RSPO2: variants seen among roughly 807,000 people sequenced by gnomAD.
The protein encoded by RSPO2 is R-spondin-2.
Under a neutral mutation model 30.9 loss-of-function variants are expected in RSPO2, and 14 were observed. The observed-to-expected ratio is 0.45, with a 90% CI of 0.30 to 0.71. The LOEUF is 0.71. Among genes scored for constraint, RSPO2 ranks in the 30% least tolerant of loss-of-function variants. The pLI, the probability that RSPO2 is intolerant of heterozygous loss-of-function variation, is 0.08. For synonymous variants in RSPO2, 107 were observed against 96.4 expected (o/e 1.11, Z -0.64); for missense variants, 264 against 301.9 (o/e 0.87, Z 0.93).
At chr8:107,907,641 AAAAT>A (rs1041039871) in intron 5 of RSPO2, among the ~76,000 whole-genome samples, 9 of 152,260 alleles carry the variant, frequency 5.9e-5, no homozygotes, top group African/African-American at 1.4e-4. Flanking sequence ...ACAACTGTCC[AAAAT>A]AAATAACGGA....
intron 2 of RSPO2, among the ~76,000 whole-genome samples, chr8:108,051,110 T>C (rs1812066044): frequency 6.6e-6 from 1 of 152,202 alleles, no homozygotes; most frequent in Non-Finnish European, 1.5e-5. Flanking sequence ...AGCCCCACTG[T>C]ACCCTTTAAC....
intron 5 of RSPO2, among the ~76,000 whole-genome samples, chr8:107,934,605 CA>C (rs1812657574): frequency 6.6e-6 from 1 of 152,124 alleles, no homozygotes; most frequent in African/African-American, 2.4e-5. Context: ...CTCCTGACCT[CA>C]GGTGATCTGC....
chr8:107,981,098 T>C (rs551970885), intron 3 of RSPO2, among the ~76,000 whole-genome samples: 5 of 152,216 alleles, frequency 3.3e-5, no homozygotes, highest in Non-Finnish European at 7.3e-5. Flanking sequence ...TATATAGAAT[T>C]TATGGTACTT....
intron 2 of RSPO2, among the ~76,000 whole-genome samples, chr8:108,055,414 C>T (rs1023930145): frequency 6.6e-6 from 1 of 152,062 alleles, no homozygotes; most frequent in African/African-American, 2.4e-5. Context: ...TAGAAATCCA[C>T]TGAAGCATTT....
chr8:107,905,612 A>G (rs1229189630), intron 5 of RSPO2, among the ~76,000 whole-genome samples: 1 of 152,088 alleles, frequency 6.6e-6, no homozygotes, highest in East Asian at 1.9e-4. Context: ...AGATTCAGTC[A>G]TTCTTCAAAG....
intron 2 of RSPO2, chr8:107,997,095 C>T (rs965608532): frequency 8.6e-6 from 2 of 233,582 alleles, no homozygotes; most frequent in Non-Finnish European, 1.7e-5. Context: ...AGCTTCTTGC[C>T]CCAAACCTCA....
chr8:107,979,915 G>C (rs1370428104), intron 3 of RSPO2, among the ~76,000 whole-genome samples: 2 of 152,022 alleles, frequency 1.3e-5, no homozygotes, highest in Non-Finnish European at 2.9e-5. Flanking sequence ...TATTTCCCCT[G>C]GTGACATCAG....
chr8:107,960,768 G>C lies in RSPO2; in HGVS notation c.333C>G (p.Thr111=). ...GCAAATAAAAGCCTACTTTGCACTT[G>C]GTACAAAAGTCTTTGCTAAAGCAAG... ...CDSCFSKDFC[T]KCKVGFYLHR... is the part of the protein sequence containing the mutation. The change falls in exon 4 of 6, where the codon ACC becomes ACG. Residue 111 remains threonine (T), a synonymous_variant. Coordinates refer to ENST00000276659, the MANE Select transcript of RSPO2 (RefSeq NM_178565.5). The C allele has an allele frequency of 6.2e-7, 1 of 1,610,484 alleles. No individual in the cohort carries two copies. Among genetic ancestry groups the C allele is most frequent in the Non-Finnish European group, 8.5e-7 (1 of 1,178,322 alleles).
chr8:108,014,989 T>C (rs1019952008), intron 2 of RSPO2, among the ~76,000 whole-genome samples: 12 of 151,988 alleles, frequency 7.9e-5, no homozygotes, highest in Non-Finnish European at 5.9e-5. Flanking sequence ...AAGGGCCATA[T>C]AAGAATTAAA....
intron 5 of RSPO2, among the ~76,000 whole-genome samples, chr8:107,916,965 T>TAAAG (rs1228526537): frequency 6.6e-6 from 1 of 152,224 alleles, no homozygotes; most frequent in Non-Finnish European, 1.5e-5. Flanking sequence ...GCTTTAGCAT[T>TAAAG]AAAGATGCAC....
At chr8:107,984,314 A>C (rs962468370) in intron 3 of RSPO2, among the ~76,000 whole-genome samples, 2 of 152,236 alleles carry the variant, frequency 1.3e-5, no homozygotes, top group African/African-American at 2.4e-5. Context: ...TGTGTAATTA[A>C]TCTATAATGC....
intron 5 of RSPO2, among the ~76,000 whole-genome samples, chr8:107,950,085 G>A (rs1296575182): frequency 6.6e-6 from 1 of 152,118 alleles, no homozygotes; most frequent in African/African-American, 2.4e-5. Context: ...CCTCCCTACT[G>A]AGCTTTTTTC....
chr8:108,033,875 T>C (rs1022704666), intron 2 of RSPO2, among the ~76,000 whole-genome samples: 11 of 152,178 alleles, frequency 7.2e-5, no homozygotes, highest in African/African-American at 2.7e-4. Flanking sequence ...CCATCATATC[T>C]GAAAACTAAA....
intron 2 of RSPO2, among the ~76,000 whole-genome samples, chr8:107,998,436 T>C (rs1453390395): frequency 6.6e-6 from 1 of 152,138 alleles, no homozygotes; most frequent in Admixed American, 6.5e-5. Flanking sequence ...TTGACCAAAA[T>C]GGAAAATGCC....
chr8:108,042,589 G>T (rs1184742428), intron 2 of RSPO2, among the ~76,000 whole-genome samples: 1 of 152,106 alleles, frequency 6.6e-6, no homozygotes, highest in Non-Finnish European at 1.5e-5. Flanking sequence ...GTAAAAAAAA[G>T]AATTGAAGCA....
chr8:107,933,553 A>T (rs2130352214), intron 5 of RSPO2, among the ~76,000 whole-genome samples: 1 of 152,176 alleles, frequency 6.6e-6, no homozygotes, highest in East Asian at 1.9e-4. Flanking sequence ...GAAACCCATG[A>T]ACAGATTTCT....
At chr8:108,061,272 C>G (rs199832690) in intron 2 of RSPO2, among the ~76,000 whole-genome samples, 1 of 151,688 alleles carries the variant, frequency 6.6e-6, no homozygotes, top group African/African-American at 2.4e-5. Flanking sequence ...CCATCAGTGT[C>G]CTGTATTCAG....
intron 5 of RSPO2, among the ~76,000 whole-genome samples, chr8:107,957,695 T>C (rs558784387): frequency 9.2e-5 from 14 of 152,212 alleles, no homozygotes; most frequent in Non-Finnish European, 1.8e-4. Context: ...TAAACCTTTC[T>C]AATCTAAACT....
Position 108,050,461 on chromosome 8 carries a change from T to C in RSPO2, c.94+32084A>G, listed in dbSNP as rs1455909876. ...AGTAATAAAGGTATGTATATATAGA[T>C]TGATAAAGTAAATATGGAAATATAT... On this transcript the variant is annotated intron_variant, in intron 2 of 5. Coordinates refer to ENST00000276659, the MANE Select transcript of RSPO2 (RefSeq NM_178565.5). Among the ~76,000 whole-genome samples the C allele has an allele frequency of 2.0e-5, 3 of 152,176 alleles. No homozygotes were observed. In the East Asian group the frequency reaches 5.8e-4, roughly 29 times the overall value.
Sources: gnomAD v4.1 joint callset for allele counts (sites outside exome capture counted in the v4.1 genomes callset) on GRCh38, gnomAD v4.1.1 for gene constraint, MANE v1.5 for transcripts, NCBI Gene and HGNC (gene_info 2026-07-23, HGNC 2026-07-21) for gene names.